WDR41: variants seen among roughly 807,000 people sequenced by gnomAD.
The protein encoded by WDR41 is WD repeat domain 41.
WDR41 carries 63 observed loss-of-function variants against 69.3 expected under a neutral mutation model. The ratio of observed to expected loss-of-function variants is 0.91; its 90% confidence interval spans 0.74 to 1.12. The LOEUF (loss-of-function observed/expected upper bound fraction) is 1.12. WDR41 is among the 50% of genes most tolerant of loss of function. WDR41 has a pLI of 0.00. For synonymous variants in WDR41, 185 were observed against 192.1 expected, an observed-to-expected ratio of 0.96 and a Z score of 0.31; for missense variants, 543 against 534.5, an observed-to-expected ratio of 1.02 and a Z score of -0.16.
chr5:77,558,095 A>T (rs958961013), intron 1 of WDR41, among the ~76,000 whole-genome samples: 1,317 of 71,198 alleles, frequency 0.018, 30 homozygotes, highest in African/African-American at 0.13. Flanking sequence ...TGTTCTTTTT[A>T]AAAAAAAAAA....
At chr5:77,532,182 A>C (rs998287592) in intron 1 of WDR41, among the ~76,000 whole-genome samples, 2 of 152,064 alleles carry the variant, frequency 1.3e-5, no homozygotes, top group African/African-American at 4.8e-5. Flanking sequence ...CTAAATGCTA[A>C]AAGAAGTTAA....
intron 2 of WDR41, among the ~76,000 whole-genome samples, chr5:77,476,180 A>C (rs897074621): frequency 6.6e-6 from 1 of 152,170 alleles, no homozygotes; most frequent in Non-Finnish European, 1.5e-5. Context: ...ATGTGAAAAG[A>C]CCAAATCTAC....
At chr5:77,483,032 A>C (rs77844161) in intron 2 of WDR41, among the ~76,000 whole-genome samples, 4 of 152,098 alleles carry the variant, frequency 2.6e-5, no homozygotes, top group Non-Finnish European at 4.4e-5. Flanking sequence ...TTTCCATCAT[A>C]TATTTGCCTT....
intron 5 of WDR41, among the ~76,000 whole-genome samples, chr5:77,457,749 C>A (rs1455994310): frequency 7.2e-6 from 1 of 139,646 alleles, no homozygotes; most frequent in Non-Finnish European, 1.5e-5. Context: ...ATATAAATTT[C>A]TTGGATAAAC....
chr5:77,446,733 CAG>C (rs60346948), intron 8 of WDR41, among the ~76,000 whole-genome samples: 2,745 of 152,250 alleles, frequency 0.018, 35 homozygotes, highest in Middle Eastern at 0.061. Flanking sequence ...ATGCAGAAAA[CAG>C]ACACTGGACC....
chr5:77,475,479 C>T (rs529383131), intron 2 of WDR41, among the ~76,000 whole-genome samples: 5 of 152,302 alleles, frequency 3.3e-5, no homozygotes, highest in East Asian at 1.9e-4. Flanking sequence ...GATCTGACAA[C>T]GGGCAGACTG....
At chr5:77,485,521 C>T (rs1801475431) in intron 2 of WDR41, among the ~76,000 whole-genome samples, 1 of 152,170 alleles carries the variant, frequency 6.6e-6, no homozygotes, top group African/African-American at 2.4e-5. Flanking sequence ...GATCACCATC[C>T]TACATAACCT....
intron 9 of WDR41, among the ~76,000 whole-genome samples, chr5:77,438,699 G>C (rs1356439801): frequency 6.6e-6 from 1 of 152,120 alleles, no homozygotes; most frequent in Non-Finnish European, 1.5e-5. Context: ...GATAACCTGA[G>C]TTTTCATTTA....
At chr5:77,564,181 ATGT>A (rs1214075792) in intron 1 of WDR41, among the ~76,000 whole-genome samples, 3 of 152,182 alleles carry the variant, frequency 2.0e-5, no homozygotes, top group Non-Finnish European at 4.4e-5. Context: ...CCAGATCCTT[ATGT>A]TGTTATTTCA....
chr5:77,600,305 G>A (rs1363218175), intron 1 of WDR41, among the ~76,000 whole-genome samples: 2 of 152,196 alleles, frequency 1.3e-5, no homozygotes, highest in Non-Finnish European at 2.9e-5. Flanking sequence ...CAACTAGGAT[G>A]AATCTTAAAA....
At chr5:77,483,520 GTGTGTA>G (rs1379758747) in intron 2 of WDR41, among the ~76,000 whole-genome samples, 9 of 118,380 alleles carry the variant, frequency 7.6e-5, no homozygotes, top group East Asian at 5.2e-4. Flanking sequence ...GTGTGTGTGT[GTGTGTA>G]TGCAACGTAT....
At chr5:77,531,985 G>A (rs1386752285) in intron 1 of WDR41, among the ~76,000 whole-genome samples, 1 of 151,938 alleles carries the variant, frequency 6.6e-6, no homozygotes, top group Non-Finnish European at 1.5e-5. Context: ...AATAGTTATA[G>A]AGTTTTATTT....
At chr5:77,474,907 G>A (rs547696939) in intron 2 of WDR41, among the ~76,000 whole-genome samples, 17 of 152,320 alleles carry the variant, frequency 1.1e-4, no homozygotes, top group African/African-American at 4.1e-4. Context: ...TGAGGTACCG[G>A]GTTCGTCTCA....
At chr5:77,500,445 A>C (rs990190620) in intron 1 of WDR41, among the ~76,000 whole-genome samples, 1 of 152,044 alleles carries the variant, frequency 6.6e-6, no homozygotes, top group African/African-American at 2.4e-5. Context: ...AAGACTGACA[A>C]AGAAAAAAAA....
chr5:77,584,595 C>T lies in WDR41; in HGVS notation c.42+35884G>A, dbSNP rs570150976. On this transcript the variant is annotated intron_variant, in intron 1 of 5. Transcript: ENST00000509971. ...ACAAATACAGCCAACTGATCTTCAA[C>T]AAAACAAACAAAAACATAAAGTGGG... 2.6e-5 allele frequency among the ~76,000 whole-genome samples: 4 copies of T among 152,144 alleles called. No individual in the cohort carries two copies. The East Asian group carries it at 7.7e-4, about 29-fold the overall frequency.
chr5:77,598,659 T>A (rs2112320208), intron 1 of WDR41, among the ~76,000 whole-genome samples: 1 of 151,508 alleles, frequency 6.6e-6, no homozygotes, highest in African/African-American at 2.4e-5. Context: ...TTTTTTTGTT[T>A]TTTTTGTAGC....
intron 11 of WDR41, among the ~76,000 whole-genome samples, chr5:77,436,600 T>G (rs1428300611): frequency 2.0e-5 from 3 of 152,216 alleles, no homozygotes; most frequent in African/African-American, 7.2e-5. Flanking sequence ...CTCTTTTTAT[T>G]GCCCCTAGTC....
At chr5:77,498,355 GCAGT>G (rs1801964699) in intron 1 of WDR41, among the ~76,000 whole-genome samples, 1 of 152,112 alleles carries the variant, frequency 6.6e-6, no homozygotes, top group South Asian at 2.1e-4. Flanking sequence ...AAGTGTAAAG[GCAGT>G]CAGTGTAGAA....
intron 2 of WDR41, among the ~76,000 whole-genome samples, chr5:77,467,649 C>CT (rs1308356084): frequency 6.6e-6 from 1 of 151,968 alleles, no homozygotes; most frequent in African/African-American, 2.4e-5. Flanking sequence ...ACTTGCCAGT[C>CT]TAATGAATCT....
Sources: gnomAD v4.1 joint callset for allele counts (sites outside exome capture counted in the v4.1 genomes callset) on GRCh38, gnomAD v4.1.1 for gene constraint, MANE v1.5 for transcripts, NCBI Gene and HGNC (gene_info 2026-07-23, HGNC 2026-07-21) for gene names.